The following ITGA9 variants were observed in gnomAD, a reference collection of about 807,000 sequenced individuals.
ITGA9 encodes integrin subunit alpha 9.
In ITGA9, 56 loss-of-function variants were observed where a neutral mutation model predicts 127.8. The observed-to-expected ratio is 0.44, with a 90% CI of 0.35 to 0.55. The LOEUF (loss-of-function observed/expected upper bound fraction) is 0.55, where lower values mean the gene tolerates loss of function less well. Ranked by LOEUF, ITGA9 falls within the 20% of genes least tolerant of loss-of-function variation. ITGA9 has a pLI of 0.00. For synonymous variants in ITGA9, 508 were observed against 514.5 expected, an observed-to-expected ratio of 0.99 and a Z score of 0.17; for missense variants, 1,196 against 1,347.1, an observed-to-expected ratio of 0.89 and a Z score of 1.76.
chr3:37,722,194 T>C (rs1379826708), intron 18 of ITGA9, among the ~76,000 whole-genome samples: 1 of 152,184 alleles, frequency 6.6e-6, no homozygotes, highest in African/African-American at 2.4e-5. Context: ...CTTGCAGGTC[T>C]CAGCTAAATG....
intron 16 of ITGA9, among the ~76,000 whole-genome samples, chr3:37,649,451 A>C (rs1414015194): frequency 2.0e-5 from 3 of 152,194 alleles, no homozygotes; most frequent in Non-Finnish European, 4.4e-5. Context: ...AACAAAATAG[A>C]CTTTAATTCA....
intron 15 of ITGA9, among the ~76,000 whole-genome samples, chr3:37,580,832 A>G (rs1699702513): frequency 6.6e-6 from 1 of 152,202 alleles, no homozygotes; most frequent in African/African-American, 2.4e-5. Flanking sequence ...GAGGTTGAGT[A>G]GAAAGAACTT....
At chr3:37,526,141 T>C in intron 13 of ITGA9, 70 bp downstream of exon 13, 2 of 1,317,336 alleles carry the variant, frequency 1.5e-6, no homozygotes, top group South Asian at 2.3e-5. Flanking sequence ...TCACCATTCA[T>C]GGGCTCTTTC....
In ITGA9 at chr3:37,519,357, A is replaced by T. The variant is rs756391310; in HGVS notation, c.1236+3A>T. On this transcript the variant is annotated splice_donor_region_variant and intron_variant, in intron 11 of 27. Transcript: ENST00000264741. ...GGATAGTCCCTCAGTACTCAATGGTAATTAGTGTGAGAGTGATATGGCAAC... is the reference window on the plus strand; with the variant it reads ...GGATAGTCCCTCAGTACTCAATGGTTATTAGTGTGAGAGTGATATGGCAAC... 6.2e-7 allele frequency: 1 copy of T among 1,606,964 alleles called. No homozygotes were observed. Among genetic ancestry groups the T allele is most frequent in the South Asian group, 1.1e-5 (1 of 90,820 alleles).
intron 15 of ITGA9, among the ~76,000 whole-genome samples, chr3:37,573,559 G>A (rs764075400): frequency 6.6e-6 from 1 of 152,074 alleles, no homozygotes; most frequent in Admixed American, 6.5e-5. Context: ...ACCTCAGATG[G>A]GCTGTCATCC....
intron 15 of ITGA9, among the ~76,000 whole-genome samples, chr3:37,550,192 C>T (rs1315889203): frequency 6.6e-6 from 1 of 152,134 alleles, no homozygotes; most frequent in Non-Finnish European, 1.5e-5. Flanking sequence ...GTTTAAACCA[C>T]TACATTGTAA....
At chr3:37,529,460 G>A (rs2125585052) in intron 13 of ITGA9, among the ~76,000 whole-genome samples, 1 of 152,280 alleles carries the variant, frequency 6.6e-6, no homozygotes, top group East Asian at 1.9e-4. Context: ...AAGCCAGATG[G>A]CAGTGGGTGG....
At chr3:37,586,214 G>A (rs76228976) in intron 15 of ITGA9, among the ~76,000 whole-genome samples, 1,810 of 152,296 alleles carry the variant, frequency 0.012, 31 homozygotes, top group African/African-American at 0.04. Context: ...ATTGATACCA[G>A]AAGCAAAGAC....
chr3:37,606,146 G>T (rs1699967127), intron 15 of ITGA9, among the ~76,000 whole-genome samples: 1 of 152,204 alleles, frequency 6.6e-6, no homozygotes, highest in Non-Finnish European at 1.5e-5. Flanking sequence ...AACAAAGCAA[G>T]TCTATTTTTC....
chr3:37,512,018 CT>C (rs769032939), intron 8 of ITGA9, among the ~76,000 whole-genome samples: 2,913 of 31,494 alleles, frequency 0.092, 290 homozygotes, highest in East Asian at 0.12. Flanking sequence ...CTTTTCTTTT[CT>C]TTTCTTTTCT....
intron 17 of ITGA9, among the ~76,000 whole-genome samples, chr3:37,657,028 C>G (rs1700485172): frequency 6.6e-6 from 1 of 151,976 alleles, no homozygotes; most frequent in East Asian, 1.9e-4. Flanking sequence ...GCCTTGCATC[C>G]CAGGGATGAA....
intron 26 of ITGA9, among the ~76,000 whole-genome samples, chr3:37,802,967 G>T (rs1407290200): frequency 6.6e-6 from 1 of 152,214 alleles, no homozygotes; most frequent in Non-Finnish European, 1.5e-5. Flanking sequence ...GGAAACTACA[G>T]TACAGCCTCT....
At chr3:37,502,922 G>C (rs1289074419) in intron 5 of ITGA9, among the ~76,000 whole-genome samples, 1 of 152,222 alleles carries the variant, frequency 6.6e-6, no homozygotes, top group African/African-American at 2.4e-5. Flanking sequence ...ATCGTGGATA[G>C]AATAGGGGCC....
chr3:37,766,819 A>G (rs1696784920), intron 23 of ITGA9, among the ~76,000 whole-genome samples: 1 of 152,188 alleles, frequency 6.6e-6, no homozygotes, highest in Non-Finnish European at 1.5e-5. Flanking sequence ...TCAAGTGCTC[A>G]GATAACATAT....
chr3:37,629,069 G>C lies in ITGA9; in HGVS notation c.1690-118G>C. The stretch of plus-strand genomic sequence containing the variant: ...AAAGTCATAAAACCCTACCTCACGA[G>C]GGTGATTGTGAGGATTATATGAGGC... On this transcript the variant is annotated intron_variant, in intron 15 of 27. Coordinates refer to ENST00000264741, the MANE Select transcript of ITGA9 (RefSeq NM_002207.3). This position sits in a 1 kb window ranked among gnomAD's most constrained non-coding sequence, Gnocchi z 4.5. 8.6e-7 allele frequency: 1 copy of C among 1,167,816 alleles called. No individual in the cohort carries two copies. The highest frequency in any genetic ancestry group is 1.3e-6 in the Non-Finnish European group (1 of 782,034). 72.3% of individuals were successfully genotyped at this position (1,167,816 alleles called of 1,614,324 possible).
intron 17 of ITGA9, among the ~76,000 whole-genome samples, chr3:37,654,869 T>A (rs1208994987): frequency 2.7e-5 from 4 of 149,060 alleles, no homozygotes; most frequent in African/African-American, 9.9e-5. Flanking sequence ...CAGGCCCCGG[T>A]GTGTGATATT....
At position 37,530,348 on chromosome 3, in the gene ITGA9, A is replaced by G. The variant is rs59895833; in HGVS notation, c.1374-2966A>G. On this transcript the variant is annotated intron_variant, in intron 13 of 27. Coordinates refer to ENST00000264741, the MANE Select transcript of ITGA9 (RefSeq NM_002207.3). ...GAAAAGCAGGGAGGGCTAGGAGACCACGCATGTGCAAGCACACATAGATAT... is the reference window on the plus strand; with the variant it reads ...GAAAAGCAGGGAGGGCTAGGAGACCGCGCATGTGCAAGCACACATAGATAT... Among the ~76,000 whole-genome samples the G allele has an allele frequency of 5.4e-3, 823 of 152,330 alleles. 9 individuals carry two copies. Among genetic ancestry groups the G allele is most frequent in the African/African-American group, 0.019 (771 of 41,578 alleles).
intron 17 of ITGA9, among the ~76,000 whole-genome samples, chr3:37,674,146 G>A (rs939573976): frequency 3.9e-5 from 6 of 152,168 alleles, no homozygotes; most frequent in East Asian, 3.9e-4. Context: ...ATTATTTGGC[G>A]TAGATTATTA....
At chr3:37,495,098 C>T (rs752667015) in intron 5 of ITGA9, among the ~76,000 whole-genome samples, 11 of 151,798 alleles carry the variant, frequency 7.2e-5, no homozygotes, top group Admixed American at 2.0e-4. Context: ...CTTAGCCTCC[C>T]GGTTATAGGC....
Sources: gnomAD v4.1 joint callset for allele counts (sites outside exome capture counted in the v4.1 genomes callset) on GRCh38, gnomAD v4.1.1 for gene constraint, Gnocchi (gnomAD v3.1) non-coding constraint, MANE v1.5 for transcripts, NCBI Gene and HGNC (gene_info 2026-07-23, HGNC 2026-07-21) for gene names.